NEDD4L: variants seen among roughly 807,000 people sequenced by gnomAD.
The protein encoded by NEDD4L is NEDD4 like E3 ubiquitin protein ligase.
A neutral mutation model predicts 148.9 loss-of-function variants in NEDD4L; 54 were observed. That is an observed-to-expected ratio of 0.36 (90% confidence interval 0.29 to 0.45). The LOEUF (loss-of-function observed/expected upper bound fraction) is 0.45, where lower values mean the gene tolerates loss of function less well. Among genes scored for constraint, NEDD4L ranks in the 20% least tolerant of loss-of-function variants. The pLI, the probability that NEDD4L is intolerant of heterozygous loss-of-function variation, is 1.00. For missense variants in NEDD4L, 856 were observed against 1,233.8 expected, an observed-to-expected ratio of 0.69 and a Z score of 4.59; for synonymous variants, 433 against 440.7, an observed-to-expected ratio of 0.98 and a Z score of 0.22.
chr18:58,174,448 G>T (rs2037879430), intron 2 of NEDD4L, among the ~76,000 whole-genome samples: 1 of 152,144 alleles, frequency 6.6e-6, no homozygotes, highest in South Asian at 2.1e-4. Context: ...GGTTTCACCG[G>T]GGACCCGCCC....
chr18:58,076,160 AT>A (rs2083144926), intron 1 of NEDD4L, among the ~76,000 whole-genome samples: 1 of 152,106 alleles, frequency 6.6e-6, no homozygotes, highest in African/African-American at 2.4e-5. Context: ...TGTGGTCAGG[AT>A]TTTTTGATTA....
chr18:58,277,336 G>C (rs1227158825), intron 5 of NEDD4L, among the ~76,000 whole-genome samples: 2 of 152,186 alleles, frequency 1.3e-5, no homozygotes, highest in African/African-American at 4.8e-5. Flanking sequence ...AGCAGAGAAA[G>C]GCAGGCTCTG....
chr18:58,064,882 C>T (rs1433472998), intron 1 of NEDD4L, among the ~76,000 whole-genome samples: 1 of 152,094 alleles, frequency 6.6e-6, no homozygotes, highest in African/African-American at 2.4e-5. Context: ...GAAAGGATTG[C>T]GTGAGGCCAG....
At chr18:58,229,852 T>A (rs1196120216) in intron 2 of NEDD4L, among the ~76,000 whole-genome samples, 1 of 152,048 alleles carries the variant, frequency 6.6e-6, no homozygotes, top group Admixed American at 6.5e-5. Context: ...TAGCTGGGCG[T>A]GGTGGCGGGC....
intron 18 of NEDD4L, among the ~76,000 whole-genome samples, chr18:58,352,261 A>G (rs2043983898): frequency 6.6e-6 from 1 of 152,188 alleles, no homozygotes; most frequent in Admixed American, 6.5e-5. Context: ...ATGTATGTGT[A>G]TGCCCTACTT....
intron 1 of NEDD4L, among the ~76,000 whole-genome samples, chr18:58,162,024 T>C (rs527846945): frequency 6.6e-6 from 1 of 152,206 alleles, no homozygotes; most frequent in Non-Finnish European, 1.5e-5. Context: ...ATAAACCATT[T>C]TGAAACTTTT....
At chr18:58,232,923 G>T (rs1008227429) in intron 2 of NEDD4L, among the ~76,000 whole-genome samples, 1 of 152,196 alleles carries the variant, frequency 6.6e-6, no homozygotes, top group Non-Finnish European at 1.5e-5. Context: ...AACGTGGTTG[G>T]CAGGGTGGCA....
intron 1 of NEDD4L, among the ~76,000 whole-genome samples, chr18:58,106,453 G>C (rs1490538625): frequency 6.6e-6 from 1 of 152,170 alleles, no homozygotes; most frequent in Non-Finnish European, 1.5e-5. Flanking sequence ...AGAGTCTCCC[G>C]AGTGCTAGGT....
At chr18:58,341,352 C>T (rs1004740137) in intron 14 of NEDD4L, among the ~76,000 whole-genome samples, 183 bp downstream of exon 14, 1 of 152,142 alleles carries the variant, frequency 6.6e-6, no homozygotes, top group African/African-American at 2.4e-5. Context: ...CTTTTCAAAT[C>T]AGTTTATCAC....
At chr18:58,278,639 T>A (rs1279833536) in intron 5 of NEDD4L, among the ~76,000 whole-genome samples, 1 of 152,208 alleles carries the variant, frequency 6.6e-6, no homozygotes, top group African/African-American at 2.4e-5. Flanking sequence ...TTATTCCCTG[T>A]GGCCCCTGTG....
At position 58,270,680 on chromosome 18, in the gene NEDD4L, G is replaced by A. The variant is rs546483487; in HGVS notation, c.297+18626G>A. ...GTTTCTGCATTAAAGTTCTTAGACC[G>A]CCATGATCTTGAGATGTTTGCTGCT... On this transcript the variant is annotated intron_variant, in intron 5 of 30. Coordinates refer to ENST00000400345, the MANE Select transcript of NEDD4L (RefSeq NM_001144967.3). Among the ~76,000 whole-genome samples the A allele has an allele frequency of 1.6e-4, 24 of 152,162 alleles. No individual in the cohort carries two copies. In the South Asian group the frequency reaches 4.1e-3, roughly 26 times the overall value.
rs1568741881 is a variant in NEDD4L at position 58,335,345 on chromosome 18, G to C, written c.1066-133G>C. 1.4e-5 allele frequency: 10 copies of C among 691,626 alleles called. No homozygotes were observed. In the East Asian group the frequency reaches 2.7e-4, roughly 19 times the overall value. 42.8% of individuals were successfully genotyped at this position (691,626 alleles called of 1,614,324 possible). A position where few individuals can be genotyped will look rare whatever the true frequency, so the allele number is the denominator to read the frequency against. On this transcript the variant is annotated intron_variant, in intron 12 of 30. Transcript: ENST00000400345. ...TCATCAGCGACTGCTGGCTTTGTCT[G>C]GATAGGGTGGGTTTCAGGGATTCTG...
At chr18:58,103,777 T>A (rs942985766) in intron 1 of NEDD4L, among the ~76,000 whole-genome samples, 1 of 152,250 alleles carries the variant, frequency 6.6e-6, no homozygotes, top group Admixed American at 6.5e-5. Context: ...GTGGGAATAT[T>A]GGCAGTACAG....
chr18:58,235,687 C>T lies in NEDD4L; in HGVS notation c.123-9740C>T, dbSNP rs117824739. Among the ~76,000 whole-genome samples the T allele has an allele frequency of 9.9e-5, 15 of 152,194 alleles. No homozygotes were observed. The East Asian group carries it at 2.9e-3, about 29-fold the overall frequency. On this transcript the variant is annotated intron_variant, in intron 2 of 30. Transcript: ENST00000400345. ...TTCAGTTGCAAGGACATGGGTGAGACTGGTCAAGGAATTGACTTTCAGGGT... is the reference window on the plus strand; with the variant it reads ...TTCAGTTGCAAGGACATGGGTGAGATTGGTCAAGGAATTGACTTTCAGGGT...
intron 1 of NEDD4L, among the ~76,000 whole-genome samples, chr18:58,131,017 A>T (rs12962018): frequency 1.1e-5 from 1 of 92,364 alleles, no homozygotes; most frequent in African/African-American, 4.5e-5. Flanking sequence ...CTAGCAGAAC[A>T]GTGGCGGTGT....
chr18:58,396,455 C>G lies in NEDD4L; in HGVS notation c.*186C>G. On this transcript the variant is annotated 3_prime_UTR_variant, in exon 31 of 31. Transcript: ENST00000400345. ...ACCTGGTCCCAGCTTGAGTTCCTGC[C>G]TTTCCCACCACAAATTATCAACTGG... 1 of 517,520 alleles carries G rather than the reference C, an allele frequency of 1.9e-6. No homozygotes were observed. Among genetic ancestry groups the G allele is most frequent in the Non-Finnish European group, 3.5e-6 (1 of 285,386 alleles). 32.1% of individuals were successfully genotyped at this position (517,520 alleles called of 1,614,324 possible). A position where few individuals can be genotyped will look rare whatever the true frequency, so the allele number is the denominator to read the frequency against.
chr18:58,268,561 T>A (rs926698807), intron 5 of NEDD4L, among the ~76,000 whole-genome samples: 30 of 152,186 alleles, frequency 2.0e-4, no homozygotes, highest in African/African-American at 7.2e-4. Flanking sequence ...CTTGATGGGC[T>A]GAGGGCTTGA....
rs530659583 is a variant in NEDD4L, at chr18:58,168,678, C to G, written c.122+2817C>G. Among the ~76,000 whole-genome samples the G allele has an allele frequency of 7.2e-5, 11 of 152,324 alleles. No homozygotes were observed. In the East Asian group the frequency reaches 2.1e-3, roughly 29 times the overall value. ...CACCTCTGTGCCTGATCAGACACCT[C>G]ATTCTCCCTTGGCAGCAAGAAGGCC... On this transcript the variant is annotated intron_variant, in intron 2 of 30. Coordinates refer to ENST00000400345, the MANE Select transcript of NEDD4L (RefSeq NM_001144967.3).
chr18:58,129,612 TTAA>T (rs1434962978), intron 1 of NEDD4L, among the ~76,000 whole-genome samples: 7 of 152,378 alleles, frequency 4.6e-5, no homozygotes, highest in African/African-American at 1.4e-4. Flanking sequence ...CTGTGTGTTC[TTAA>T]TAAACTTTGG....
Sources: allele counts gnomAD v4.1 joint callset (sites outside exome capture counted in the v4.1 genomes callset), GRCh38; gene constraint gnomAD v4.1.1; transcripts MANE v1.5; gene names NCBI Gene and HGNC (gene_info 2026-07-23, HGNC 2026-07-21).